The following ACOT11 variants were observed in gnomAD, a reference collection of about 807,000 sequenced individuals.
The protein encoded by ACOT11 is acyl-CoA thioesterase 11, also known as acyl-coenzyme A thioesterase 11.
Under a neutral mutation model 77.5 loss-of-function variants are expected in ACOT11, and 69 were observed. That is an observed-to-expected ratio of 0.89 (90% CI 0.73 to 1.09). The LOEUF is 1.09. Among genes scored for constraint, ACOT11 ranks in the 50% least tolerant of loss-of-function variants. The probability of loss-of-function intolerance (pLI) is 0.00; values close to 1 mark genes in which losing one functional copy is unlikely to be tolerated. For synonymous variants in ACOT11, 279 were observed against 313.0 expected (o/e 0.89, Z 1.15); for missense variants, 766 against 813.7 (o/e 0.94, Z 0.71).
intron 15 of ACOT11, chr1:54,620,076 C>T: frequency 6.5e-7 from 1 of 1,535,922 alleles, no homozygotes; most frequent in Non-Finnish European, 8.9e-7. Context: ...TTCGTTCATC[C>T]CATGACCCTC....
chr1:54,618,396 C>T (rs1173401757), intron 15 of ACOT11, among the ~76,000 whole-genome samples: 2 of 151,986 alleles, frequency 1.3e-5, no homozygotes, highest in African/African-American at 4.8e-5. Context: ...CCCAGCTACT[C>T]GGGAGGCTAA....
chr1:54,597,412 C>T lies in ACOT11; in HGVS notation c.761C>T (p.Ala254Val). Residue 254 changes from alanine (A) to valine (V), a missense_variant, in exon 7 of 16, where the codon GCC (alanine) becomes GTC (valine). By Grantham distance (64) the Ala-to-Val change is moderately conservative. Coordinates refer to ENST00000343744, the MANE Select transcript of ACOT11 (RefSeq NM_147161.4). Reference sequence around the variant, plus strand: ...ATGGAGAATGTGGCCACCATTGCAGCCAGGTGAGGGCAGGGTGTGCTGCCT... The same window carrying T: ...ATGGAGAATGTGGCCACCATTGCAGTCAGGTGAGGGCAGGGTGTGCTGCCT... Reference protein sequence around the residue: ...AWMENVATIAASRLCRAHPTL... With the variant: ...AWMENVATIAVSRLCRAHPTL... 1 of 1,611,052 alleles carries T rather than the reference C, an allele frequency of 6.2e-7. No homozygotes were observed. Among genetic ancestry groups the T allele is most frequent in the Admixed American group, 1.7e-5 (1 of 59,798 alleles).
At position 54,584,680 on chromosome 1, in the gene ACOT11, G is replaced by T. The variant is rs41294808; in HGVS notation, c.59G>T (p.Arg20Leu). ...GGCTTGGCCTCTGTGTTCTCCAACC[G>T]CACATCCCGGAAGTCAGCCTTACGT... ...RRGLASVFSN[R>L]TSRKSALRAG... Residue 20 changes from arginine to leucine, a missense_variant, in exon 2 of 16, where the codon CGC becomes CTC. Arg to Leu is a moderately radical substitution (Grantham distance 102, BLOSUM62 -2). Coordinates refer to ENST00000343744, the MANE Select transcript of ACOT11 (RefSeq NM_147161.4). This position sits in a 1 kb window ranked among gnomAD's most constrained non-coding sequence, Gnocchi z 6.3. 6.2e-7 allele frequency: 1 copy of T among 1,614,022 alleles called. No homozygotes were observed. Among genetic ancestry groups the T allele is most frequent in the Non-Finnish European group, 8.5e-7 (1 of 1,179,960 alleles).
intron 3 of ACOT11, among the ~76,000 whole-genome samples, chr1:54,590,650 A>G (rs1305003966): frequency 1.3e-5 from 2 of 152,230 alleles, no homozygotes; most frequent in African/African-American, 4.8e-5. Flanking sequence ...ACTTTCAAAC[A>G]TATAGAAAAG....
chr1:54,572,602 C>G (rs920185108), intron 1 of ACOT11, among the ~76,000 whole-genome samples: 1 of 152,152 alleles, frequency 6.6e-6, no homozygotes, highest in Non-Finnish European at 1.5e-5. Flanking sequence ...GCGGGTCATT[C>G]ATACTTGGGG....
intron 1 of ACOT11, among the ~76,000 whole-genome samples, chr1:54,576,491 T>TAAAAAAA (rs71581820): frequency 4.4e-5 from 3 of 68,358 alleles, no homozygotes; most frequent in Non-Finnish European, 3.0e-5. Flanking sequence ...GAGCAAGATC[T>TAAAAAAA]AAAAAAAAAA....
chr1:54,556,870 A>G (rs1379776541), intron 1 of ACOT11, among the ~76,000 whole-genome samples: 1 of 152,014 alleles, frequency 6.6e-6, no homozygotes, highest in Non-Finnish European at 1.5e-5. Flanking sequence ...GACGTGAGCC[A>G]TCGCATCTGG....
rs1569710868 is a variant in ACOT11 at position 54,584,565 on chromosome 1, C to T, written c.34-90C>T. The T allele has an allele frequency of 7.8e-7, 1 of 1,289,802 alleles. No homozygotes were observed. Among genetic ancestry groups the T allele is most frequent in the African/African-American group, 1.5e-5 (1 of 67,980 alleles). The allele number at this position is 1,289,802 out of a possible 1,614,324, so 79.9% of individuals were successfully genotyped here. A position where few individuals can be genotyped will look rare whatever the true frequency, so the allele number is the denominator to read the frequency against. On this transcript the variant is annotated intron_variant, in intron 1 of 15. Transcript: ENST00000343744. The surrounding 1 kb of genome is among the most constrained non-coding windows in gnomAD (Gnocchi z 6.3). The stretch of plus-strand genomic sequence containing the variant: ...GTGGCCCTAGGTACTCTCTCTCCCC[C>T]AGACCCTAAGTTCTCAGGGCTGGAC...
Position 54,608,084 on chromosome 1 carries a change from C to T in ACOT11, c.1629+16C>T, listed in dbSNP as rs1440462311. ...GCTGACCAAGGTGAGGCCGGTCCCC[C>T]CAACCACGCCCCCAGCCTGGCTCCA... is the stretch of plus-strand genomic sequence containing the variant. On this transcript the variant is annotated intron_variant, in intron 15 of 15. Transcript: ENST00000343744. 6.2e-7 allele frequency: 1 copy of T among 1,603,538 alleles called. No individual in the cohort carries two copies. The highest frequency in any genetic ancestry group is 8.5e-7 in the Non-Finnish European group (1 of 1,175,820).
intron 15 of ACOT11, among the ~76,000 whole-genome samples, chr1:54,618,466 G>C (rs1644197371): frequency 6.6e-6 from 1 of 152,054 alleles, no homozygotes; most frequent in African/African-American, 2.4e-5. Flanking sequence ...GATCACACCA[G>C]TGCACTCCAG....
rs768933265 is a variant in ACOT11, at chr1:54,629,058, C to CAA, written c.1630-1657_1630-1656dup. Among the ~76,000 whole-genome samples the CAA allele has an allele frequency of 5.3e-3, 192 of 35,952 alleles. 5 individuals carry two copies. Among genetic ancestry groups the CAA allele is most frequent in the Middle Eastern group, 0.021 (1 of 48 alleles). 23.6% of individuals were successfully genotyped at this position (35,952 alleles called of 152,430 possible). A position where few individuals can be genotyped will look rare whatever the true frequency, so the allele number is the denominator to read the frequency against. On this transcript the variant is annotated intron_variant, in intron 15 of 16. Coordinates refer to the ACOT11 transcript ENST00000371316. ...TGGGCGACAGAGCAAGACTCCGTCT[C>CAA]AAAAAAAAAAAAAAAAAAAAGAAGA...
At chr1:54,560,018 C>T (rs1273192414) in intron 1 of ACOT11, among the ~76,000 whole-genome samples, 2 of 152,212 alleles carry the variant, frequency 1.3e-5, no homozygotes, top group Non-Finnish European at 2.9e-5. Flanking sequence ...GGCCTGTGTG[C>T]TCCTGCCATT....
chr1:54,560,860 T>G (rs1250549761), intron 1 of ACOT11, among the ~76,000 whole-genome samples: 1 of 152,198 alleles, frequency 6.6e-6, no homozygotes, highest in Non-Finnish European at 1.5e-5. Context: ...TAGCTGGGAT[T>G]ACAGGCGCCT....
intron 15 of ACOT11, among the ~76,000 whole-genome samples, chr1:54,623,044 C>T (rs1471448321): frequency 4.6e-5 from 7 of 151,844 alleles, no homozygotes; most frequent in East Asian, 3.9e-4. Context: ...GGCGTGGTGG[C>T]GGGTGCCTGT....
intron 3 of ACOT11, among the ~76,000 whole-genome samples, chr1:54,590,003 G>A (rs1414592546): frequency 2.0e-5 from 3 of 151,714 alleles, no homozygotes; most frequent in African/African-American, 7.3e-5. Context: ...CAGGAGAATG[G>A]CATGAACCCA....
At chr1:54,611,052 C>A (rs931564516), downstream of ACOT11, 5 of 973,750 alleles carry the variant, frequency 5.1e-6, no homozygotes, top group African/African-American at 8.8e-5. Flanking sequence ...ACCTGCTGGG[C>A]CACATAAAAG....
intron 7 of ACOT11, 38 bp downstream of exon 7, chr1:54,597,453 TCTCCTC>T: frequency 6.4e-7 from 1 of 1,563,250 alleles, no homozygotes; most frequent in Non-Finnish European, 8.7e-7. Flanking sequence ...TCCCCTCCTT[TCTCCTC>T]CTCCTCCCCT....
intron 1 of ACOT11, among the ~76,000 whole-genome samples, chr1:54,583,395 T>C (rs920328640): frequency 1.3e-5 from 2 of 152,238 alleles, no homozygotes; most frequent in African/African-American, 4.8e-5. Context: ...GGAGGCTCAC[T>C]GGGGGGAATT....
rs1421588228 is a variant in ACOT11, at chr1:54,610,219, A to C, written c.*1107A>C. 4 of 1,436,918 alleles carry C rather than the reference A, an allele frequency of 2.8e-6. No homozygotes were observed. The highest frequency in any genetic ancestry group is 5.0e-5 in the East Asian group (2 of 40,050). The allele number at this position is 1,436,918 out of a possible 1,614,324, so 89.0% of individuals were successfully genotyped here. ...GCAATGTAGCTGAGGACTGGTCTGA[A>C]GGCCAGGAGCCCTGTGCTCTTGACA... On this transcript the variant is annotated 3_prime_UTR_variant, in exon 16 of 16. Transcript: ENST00000343744.
Sources: gnomAD v4.1 joint callset for allele counts (sites outside exome capture counted in the v4.1 genomes callset) on GRCh38, gnomAD v4.1.1 for gene constraint, Gnocchi (gnomAD v3.1) non-coding constraint, MANE v1.5 for transcripts, NCBI Gene and HGNC (gene_info 2026-07-23, HGNC 2026-07-21) for gene names.